PTPRT: variants seen among roughly 807,000 people sequenced by gnomAD.
The protein encoded by PTPRT is protein tyrosine phosphatase receptor type T.
A neutral mutation model predicts 176.8 loss-of-function variants in PTPRT; 56 were observed. The ratio of observed to expected loss-of-function variants is 0.32; its 90% CI spans 0.26 to 0.40. The LOEUF is 0.40. Among genes scored for constraint, PTPRT ranks in the 10% least tolerant of loss-of-function variants. The pLI, the probability that PTPRT is intolerant of heterozygous loss-of-function variation, is 1.00. For missense variants in PTPRT, 1,540 were observed against 1,908.2 expected (o/e 0.81, Z 3.60); for synonymous variants, 783 against 739.0 (o/e 1.06, Z -0.96).
chr20:42,732,294 G>T (rs574349126), intron 6 of PTPRT, among the ~76,000 whole-genome samples: 1 of 152,326 alleles, frequency 6.6e-6, no homozygotes, highest in Non-Finnish European at 1.5e-5. Flanking sequence ...ACAGCAGAAA[G>T]CTCTATTAGG....
chr20:42,584,079 C>T (rs567053485), intron 7 of PTPRT, among the ~76,000 whole-genome samples: 1 of 152,280 alleles, frequency 6.6e-6, no homozygotes, highest in African/African-American at 2.4e-5. Flanking sequence ...TTGAACTCTG[C>T]ATATTAACTT....
chr20:43,170,212 C>G (rs2014963143), intron 1 of PTPRT, among the ~76,000 whole-genome samples: 1 of 151,910 alleles, frequency 6.6e-6, no homozygotes, highest in Non-Finnish European at 1.5e-5. Context: ...GAGGAAATTC[C>G]TATTTAAGCA....
At chr20:43,037,450 G>C (rs1405239839) in intron 1 of PTPRT, among the ~76,000 whole-genome samples, 1 of 152,164 alleles carries the variant, frequency 6.6e-6, no homozygotes, top group Non-Finnish European at 1.5e-5. Context: ...GATGATTCTG[G>C]TGCTTCATAA....
intron 4 of PTPRT, among the ~76,000 whole-genome samples, chr20:42,779,951 A>T (rs2077191137): frequency 1.3e-5 from 2 of 151,664 alleles, no homozygotes; most frequent in Non-Finnish European, 2.9e-5. Context: ...AGGACTTTAG[A>T]CTCCCTTAAT....
chr20:42,330,812 T>C (rs901671981), intron 11 of PTPRT, among the ~76,000 whole-genome samples: 1 of 152,224 alleles, frequency 6.6e-6, no homozygotes, highest in Non-Finnish European at 1.5e-5. Context: ...AGCAGAATGC[T>C]GCAGGGGCCC....
intron 9 of PTPRT, among the ~76,000 whole-genome samples, chr20:42,382,811 G>T (rs944435989): frequency 5.3e-5 from 8 of 152,066 alleles, no homozygotes; most frequent in Non-Finnish European, 1.0e-4. Context: ...CTGCATAAAT[G>T]GTGCCACCCA....
chr20:42,282,456 C>T (rs1440456331), intron 13 of PTPRT, 33 bp downstream of exon 13: 1 of 1,583,988 alleles, frequency 6.3e-7, no homozygotes, highest in East Asian at 2.2e-5. Context: ...GGCTGAAGAA[C>T]AGGTGAAGAC....
chr20:42,583,556 A>G (rs1465651431), intron 7 of PTPRT, among the ~76,000 whole-genome samples: 2 of 152,098 alleles, frequency 1.3e-5, no homozygotes, highest in African/African-American at 4.8e-5. Flanking sequence ...TACAGCTTTT[A>G]AAAAGAGTAA....
chr20:42,274,317 A>G (rs1289469116), intron 13 of PTPRT, among the ~76,000 whole-genome samples: 1 of 152,180 alleles, frequency 6.6e-6, no homozygotes, highest in Non-Finnish European at 1.5e-5. Flanking sequence ...CTGAGACCAC[A>G]TATATTCTAG....
intron 19 of PTPRT, among the ~76,000 whole-genome samples, chr20:42,125,809 A>G (rs992924546): frequency 6.6e-6 from 1 of 152,178 alleles, no homozygotes; most frequent in African/African-American, 2.4e-5. Context: ...GTGCCTATCT[A>G]GGAAAATGAC....
At chr20:42,356,911 C>G (rs1312525800) in intron 9 of PTPRT, among the ~76,000 whole-genome samples, 1 of 152,172 alleles carries the variant, frequency 6.6e-6, no homozygotes, top group East Asian at 1.9e-4. Context: ...GCTCTTCTGT[C>G]AGCCTGGGCC....
rs1206454451 is a variant in PTPRT, at chr20:42,942,231, G to C, written c.89-56299C>G. On this transcript the variant is annotated intron_variant, in intron 1 of 30. Transcript: ENST00000373187. ...ACATCCTGAAAATAGTACTTGTTAT[G>C]CCATGTCCATACTGGCTGGCTGGGT... Among the ~76,000 whole-genome samples the C allele has an allele frequency of 3.3e-5, 5 of 152,310 alleles. No individual in the cohort carries two copies. In the East Asian group the frequency reaches 9.7e-4, roughly 29 times the overall value.
chr20:42,775,790 G>A (rs1263486596), intron 4 of PTPRT, among the ~76,000 whole-genome samples: 2 of 152,146 alleles, frequency 1.3e-5, no homozygotes, highest in Non-Finnish European at 2.9e-5. Flanking sequence ...GATAAACTCT[G>A]ACCATATGTT....
At chr20:42,893,561 C>T (rs577458081) in intron 1 of PTPRT, among the ~76,000 whole-genome samples, 60 of 151,976 alleles carry the variant, frequency 3.9e-4, no homozygotes, top group Admixed American at 1.1e-3. Flanking sequence ...CACATGCACA[C>T]GTATGTTTAT....
chr20:42,937,258 G>A (rs1476402279), intron 1 of PTPRT, among the ~76,000 whole-genome samples: 1 of 152,180 alleles, frequency 6.6e-6, no homozygotes, highest in Non-Finnish European at 1.5e-5. Context: ...TTATCCACAT[G>A]CATACACAGG....
chr20:43,099,335 A>G (rs2012298082), intron 1 of PTPRT, among the ~76,000 whole-genome samples: 1 of 152,162 alleles, frequency 6.6e-6, no homozygotes, highest in South Asian at 2.1e-4. Context: ...ATGGTGTCCC[A>G]TTAGCCACAG....
At chr20:42,511,574 A>AT (rs1276636792) in intron 7 of PTPRT, among the ~76,000 whole-genome samples, 1 of 151,970 alleles carries the variant, frequency 6.6e-6, no homozygotes, top group East Asian at 1.9e-4. Flanking sequence ...TCAGTCAATA[A>AT]TTTGAATCTG....
chr20:42,067,767 C>G (rs1047808330), downstream of PTPRT, among the ~76,000 whole-genome samples: 1 of 152,204 alleles, frequency 6.6e-6, no homozygotes, highest in African/African-American at 2.4e-5. Flanking sequence ...GGTTGGACAT[C>G]TGGCGGCCCT....
intron 9 of PTPRT, among the ~76,000 whole-genome samples, chr20:42,414,173 A>C (rs1329452104): frequency 1.3e-5 from 2 of 152,098 alleles, no homozygotes; most frequent in African/African-American, 4.8e-5. Flanking sequence ...GCACTACTCA[A>C]CCAATACTTG....
Sources: allele counts gnomAD v4.1 joint callset (sites outside exome capture counted in the v4.1 genomes callset), GRCh38; gene constraint gnomAD v4.1.1; transcripts MANE v1.5; gene names NCBI Gene and HGNC (gene_info 2026-07-23, HGNC 2026-07-21).